DENND4A: variants seen among roughly 807,000 people sequenced by gnomAD.
The protein encoded by DENND4A is DENN domain containing 4A.
A neutral mutation model predicts 199.3 loss-of-function variants in DENND4A; 70 were observed. The ratio of observed to expected loss-of-function variants is 0.35; its 90% CI spans 0.29 to 0.43. DENND4A has a LOEUF of 0.43. Among genes scored for constraint, DENND4A ranks in the 20% least tolerant of loss-of-function variants. The probability of loss-of-function intolerance (pLI) is 1.00; values close to 1 mark genes in which losing one functional copy is unlikely to be tolerated. For synonymous variants in DENND4A, 686 were observed against 766.9 expected (o/e 0.89, Z 1.74); for missense variants, 1,723 against 2,255.8 (o/e 0.76, Z 4.78).
intron 27 of DENND4A, 110 bp from the exon 28 acceptor site, chr15:65,668,233 G>A (rs1252098096): frequency 1.2e-6 from 1 of 844,518 alleles, no homozygotes; most frequent in Non-Finnish European, 1.7e-6. Context: ...TTTTAAGACA[G>A]AGTCTTGCTC....
intron 22 of DENND4A, among the ~76,000 whole-genome samples, chr15:65,695,426 A>C (rs149279977): frequency 4.7e-4 from 71 of 152,292 alleles, no homozygotes; most frequent in African/African-American, 1.6e-3. Flanking sequence ...ATTTTCTGAC[A>C]ATTTAAAACT....
intron 10 of DENND4A, 73 bp from the exon 11 acceptor site, chr15:65,729,320 A>C: frequency 6.7e-7 from 1 of 1,489,714 alleles, no homozygotes; most frequent in South Asian, 1.2e-5. Flanking sequence ...ACACACAAAA[A>C]ACTGTCTTTT....
chr15:65,745,468 A>C (rs910425303), intron 4 of DENND4A, among the ~76,000 whole-genome samples: 1 of 152,190 alleles, frequency 6.6e-6, no homozygotes, highest in Non-Finnish European at 1.5e-5. Context: ...TAAAATCCCA[A>C]CACAGCAATG....
intron 7 of DENND4A, among the ~76,000 whole-genome samples, chr15:65,736,253 A>AT (rs766949283): frequency 1.3e-5 from 2 of 151,720 alleles, no homozygotes; most frequent in Non-Finnish European, 2.9e-5. Flanking sequence ...AGAACAATAG[A>AT]TTTTTTTATT....
At position 65,738,411 on chromosome 15, in the gene DENND4A, TA is replaced by T. The variant is rs549505309; in HGVS notation, c.801+294del. On this transcript the variant is annotated intron_variant, in intron 6 of 32. Coordinates refer to ENST00000443035, the MANE Select transcript of DENND4A (RefSeq NM_001320835.1). ...TCATGTCTATAATTCTAAATTGCATTATATATTTAATAATGTTACTTTCAAA... is the reference window on the plus strand; with the variant it reads ...TCATGTCTATAATTCTAAATTGCATTTATATTTAATAATGTTACTTTCAAA... Among the ~76,000 whole-genome samples the T allele has an allele frequency of 6.6e-3, 1,011 of 152,274 alleles. 11 individuals carry two copies. Among genetic ancestry groups the T allele is most frequent in the African/African-American group, 0.023 (971 of 41,544 alleles).
chr15:65,661,214 G>A lies in DENND4A; in HGVS notation c.*637C>T, dbSNP rs1034159404. ...TAGGACAACACTTGACACTAGCACT[G>A]ACATTTTAAAATTCATTCTCCCAAG... On this transcript the variant is annotated 3_prime_UTR_variant, in exon 33 of 33. Transcript: ENST00000443035. The A allele has an allele frequency of 1.3e-5, 2 of 151,950 alleles. No individual in the cohort carries two copies. The highest frequency in any genetic ancestry group is 4.8e-5 in the African/African-American group (2 of 41,338). 9.4% of individuals were successfully genotyped at this position (151,950 alleles called of 1,614,324 possible).
intron 13 of DENND4A, among the ~76,000 whole-genome samples, chr15:65,716,225 C>CT (rs566586671): frequency 3.7e-3 from 544 of 148,014 alleles, no homozygotes; most frequent in African/African-American, 0.012. Flanking sequence ...TAATTTCTTT[C>CT]TTTTTTTTTT....
chr15:65,747,166 C>T (rs888303132), intron 4 of DENND4A, among the ~76,000 whole-genome samples: 2 of 151,506 alleles, frequency 1.3e-5, no homozygotes, highest in African/African-American at 4.9e-5. Flanking sequence ...TCAAATTTGC[C>T]AAAAATTAGC....
chr15:65,720,946 ATTATATATATATATATATATAT>A (rs1404843248), intron 12 of DENND4A, among the ~76,000 whole-genome samples: 1 of 39,174 alleles, frequency 2.6e-5, no homozygotes, highest in African/African-American at 9.0e-5. Context: ...TGTTTCATTG[ATTATATATATATATATATATAT>A]ATATATATAT....
At chr15:65,744,051 C>T (rs1285986785) in intron 4 of DENND4A, among the ~76,000 whole-genome samples, 2 of 152,000 alleles carry the variant, frequency 1.3e-5, no homozygotes, top group African/African-American at 2.4e-5. Context: ...AAAGCAAGTA[C>T]TCATAATTAT....
chr15:65,721,249 C>T (rs2075631268), intron 12 of DENND4A, among the ~76,000 whole-genome samples: 1 of 151,764 alleles, frequency 6.6e-6, no homozygotes, highest in South Asian at 2.1e-4. Flanking sequence ...TTCCATAAGG[C>T]AAAATTTTGT....
chr15:65,741,572 G>T, intron 5 of DENND4A, 143 bp downstream of exon 5: 1 of 526,852 alleles, frequency 1.9e-6, no homozygotes, highest in Non-Finnish European at 3.2e-6. Flanking sequence ...ACATATAAGT[G>T]AAGACAAAAA....
intron 1 of DENND4A, among the ~76,000 whole-genome samples, chr15:65,763,419 G>A (rs1358295088): frequency 6.6e-6 from 1 of 152,104 alleles, no homozygotes; most frequent in Non-Finnish European, 1.5e-5. Context: ...CAGGTACAGT[G>A]GCTCATGTCT....
chr15:65,663,112 T>A (rs1362313565), intron 32 of DENND4A, among the ~76,000 whole-genome samples: 1 of 151,678 alleles, frequency 6.6e-6, no homozygotes. Context: ...AGAATGACTA[T>A]CCCAATGCCA....
chr15:65,724,780 C>T (rs182708106), intron 11 of DENND4A, among the ~76,000 whole-genome samples: 6 of 152,286 alleles, frequency 3.9e-5, no homozygotes, highest in South Asian at 4.2e-4. Context: ...ATAGTAAGAA[C>T]GCAACATAGA....
chr15:65,689,004 G>A (rs547481965), intron 23 of DENND4A, among the ~76,000 whole-genome samples: 1 of 152,254 alleles, frequency 6.6e-6, no homozygotes, highest in African/African-American at 2.4e-5. Context: ...AGAAAAATAG[G>A]TTGACAGTTA....
chr15:65,753,695 A>G (rs1302730549), intron 3 of DENND4A, among the ~76,000 whole-genome samples: 1 of 152,080 alleles, frequency 6.6e-6, no homozygotes, highest in Non-Finnish European at 1.5e-5. Context: ...CTATAAAGCT[A>G]TAAATTAAAT....
Position 65,722,747 on chromosome 15 carries a change from G to A in DENND4A, c.1588+101C>T, listed in dbSNP as rs563641538. 15 of 894,054 alleles carry A rather than the reference G, an allele frequency of 1.7e-5. No individual in the cohort carries two copies. In the Middle Eastern group the frequency reaches 1.1e-3, roughly 66 times the overall value. The allele number at this position is 894,054 out of a possible 1,614,324, so 55.4% of individuals were successfully genotyped here. ...CATCTGCCTTTAAAATGGTAAAACC[G>A]CTTTCTGCTAGATAAACATTATTCT... On this transcript the variant is annotated intron_variant, in intron 12 of 32. Transcript: ENST00000443035.
At chr15:65,710,093 C>A (rs2075201340) in intron 14 of DENND4A, among the ~76,000 whole-genome samples, 1 of 152,062 alleles carries the variant, frequency 6.6e-6, no homozygotes, top group Non-Finnish European at 1.5e-5. Flanking sequence ...AAATCCTAGA[C>A]AACATAATGT....
Sources: gnomAD v4.1 joint callset for allele counts (sites outside exome capture counted in the v4.1 genomes callset) on GRCh38, gnomAD v4.1.1 for gene constraint, MANE v1.5 for transcripts, NCBI Gene and HGNC (gene_info 2026-07-23, HGNC 2026-07-21) for gene names.